The following PDE4B variants were observed in gnomAD, a reference collection of about 807,000 sequenced individuals.
The protein encoded by PDE4B is 3',5'-cyclic-AMP phosphodiesterase 4B.
PDE4B carries 20 observed loss-of-function variants against 82.2 expected under a neutral mutation model. The ratio of observed to expected loss-of-function variants is 0.24; its 90% CI spans 0.17 to 0.35. The LOEUF (loss-of-function observed/expected upper bound fraction) is 0.35, where lower values mean the gene tolerates loss of function less well. Ranked by LOEUF, PDE4B falls within the 10% of genes least tolerant of loss-of-function variation. PDE4B has a pLI of 1.00. For synonymous variants in PDE4B, 320 were observed against 318.9 expected, an observed-to-expected ratio of 1.00 and a Z score of -0.04; for missense variants, 655 against 907.2, an observed-to-expected ratio of 0.72 and a Z score of 3.57.
intron 3 of PDE4B, among the ~76,000 whole-genome samples, chr1:65,964,299 TA>T (rs1649703056): frequency 6.6e-6 from 1 of 152,160 alleles, no homozygotes; most frequent in Non-Finnish European, 1.5e-5. Flanking sequence ...ATAAAACGGT[TA>T]AACAATTAAA....
At chr1:65,872,421 T>C (rs763113324) in intron 1 of PDE4B, among the ~76,000 whole-genome samples, 12 of 152,166 alleles carry the variant, frequency 7.9e-5, no homozygotes, top group Admixed American at 2.0e-4. Context: ...CATGTTTCAG[T>C]TGACACTGGG....
chr1:66,270,004 G>A (rs1332506702), intron 7 of PDE4B, among the ~76,000 whole-genome samples: 1 of 152,076 alleles, frequency 6.6e-6, no homozygotes, highest in Non-Finnish European at 1.5e-5. Context: ...ATTACCACTG[G>A]TAACAGATCA....
chr1:66,259,899 C>G (rs764893618), intron 6 of PDE4B, among the ~76,000 whole-genome samples: 16 of 151,978 alleles, frequency 1.1e-4, no homozygotes, highest in Non-Finnish European at 1.5e-4. Context: ...ATTTCTACCC[C>G]CTTGAAAATG....
chr1:66,021,764 C>T (rs962615580), intron 3 of PDE4B, among the ~76,000 whole-genome samples: 2 of 152,078 alleles, frequency 1.3e-5, no homozygotes, highest in African/African-American at 4.8e-5. Context: ...CAGCTTTGTT[C>T]TTTTGGCTTA....
rs1553136764 is a variant in PDE4B at position 66,041,823 on chromosome 1, C to CAT, written c.281+122989_281+122990insTA. On this transcript the variant is annotated intron_variant, in intron 3 of 16. Coordinates refer to ENST00000341517, the MANE Select transcript of PDE4B (RefSeq NM_002600.4). ...ATACACACACACACACACACACACA[C>CAT]ACACATACACACACACACACACACA... is the stretch of plus-strand genomic sequence containing the variant. 6.9e-4 allele frequency among the ~76,000 whole-genome samples: 69 copies of CAT among 100,562 alleles called. 1 individual carries two copies. The highest frequency in any genetic ancestry group is 1.5e-3 in the African/African-American group (42 of 27,500). The allele number at this position is 100,562 out of a possible 152,430, so 66.0% of individuals were successfully genotyped here.
intron 3 of PDE4B, among the ~76,000 whole-genome samples, chr1:66,007,032 C>A (rs1652190230): frequency 6.6e-6 from 1 of 152,014 alleles, no homozygotes; most frequent in Non-Finnish European, 1.5e-5. Flanking sequence ...ACTCTTGAGG[C>A]TGAGGTGGGA....
At chr1:66,097,803 GT>G (rs1158465386) in intron 3 of PDE4B, among the ~76,000 whole-genome samples, 1 of 147,194 alleles carries the variant, frequency 6.8e-6, no homozygotes, top group Admixed American at 6.8e-5. Context: ...TATTGTCCTC[GT>G]TTTTCTATCT....
chr1:66,114,794 C>G (rs965768707), intron 3 of PDE4B, among the ~76,000 whole-genome samples: 2 of 152,118 alleles, frequency 1.3e-5, no homozygotes, highest in Non-Finnish European at 1.5e-5. Context: ...CATCACCACA[C>G]CTGGCTGATT....
rs1443096098 is a variant in PDE4B at position 66,148,253 on chromosome 1, G to C, written c.282-99207G>C. Among the ~76,000 whole-genome samples, 2 of 152,090 alleles carry C rather than the reference G, an allele frequency of 1.3e-5. 1 individual carries two copies. The highest frequency in any genetic ancestry group is 2.9e-5 in the Non-Finnish European group (2 of 68,036). ...CCACTGCACTTCAGCTTGTGTGATA[G>C]AGTGAGATGCTGTCTTTAAAATAAT... On this transcript the variant is annotated intron_variant, in intron 3 of 16. Transcript: ENST00000341517.
intron 3 of PDE4B, among the ~76,000 whole-genome samples, chr1:66,156,220 G>T (rs779567371): frequency 2.0e-5 from 3 of 152,094 alleles, no homozygotes; most frequent in African/African-American, 7.2e-5. Flanking sequence ...GAACCTAAAA[G>T]GGTGAGTTCA....
intron 3 of PDE4B, among the ~76,000 whole-genome samples, chr1:65,926,746 G>A (rs567138318): frequency 6.6e-6 from 1 of 151,504 alleles, no homozygotes; most frequent in African/African-American, 2.4e-5. Context: ...CTTGATCTAG[G>A]TATTGTTAAT....
intron 1 of PDE4B, among the ~76,000 whole-genome samples, chr1:65,884,810 C>T (rs1433077426): frequency 1.3e-5 from 2 of 152,182 alleles, no homozygotes; most frequent in Non-Finnish European, 2.9e-5. Flanking sequence ...GCAAGGACTT[C>T]ATGTCTAAAA....
intron 9 of PDE4B, among the ~76,000 whole-genome samples, chr1:66,356,483 A>G (rs1402517564): frequency 6.6e-6 from 1 of 152,198 alleles, no homozygotes; most frequent in African/African-American, 2.4e-5. Context: ...GATTTTGTTG[A>G]CTTTATATTG....
Position 65,918,621 on chromosome 1 carries a change from A to C in PDE4B, c.67A>C (p.Ser23Arg). 1 of 1,606,400 alleles carries C rather than the reference A, an allele frequency of 6.2e-7. No individual in the cohort carries two copies. The highest frequency in any genetic ancestry group is 8.5e-7 in the Non-Finnish European group (1 of 1,172,940). Residue 23 changes from serine (S) to arginine (R), a missense_variant, in exon 3 of 17, where the codon AGC becomes CGC. Coordinates refer to ENST00000341517, the MANE Select transcript of PDE4B (RefSeq NM_002600.4). Reference protein sequence around the residue: ...DDNVKDYFECSLSKSYSSSSN... With the variant: ...DDNVKDYFECRLSKSYSSSSN... ...GAATGTTAAAGATTATTTTGAATGTAGCTTGAGTAAATCCTACAGTTCTTC... is the reference window on the plus strand; with the variant it reads ...GAATGTTAAAGATTATTTTGAATGTCGCTTGAGTAAATCCTACAGTTCTTC...
chr1:66,365,210 A>G (rs1179215503), intron 12 of PDE4B, among the ~76,000 whole-genome samples: 5 of 152,194 alleles, frequency 3.3e-5, no homozygotes, highest in Admixed American at 2.0e-4. Context: ...TTGGGAAATA[A>G]TTTATTGCTT....
chr1:65,840,952 T>C (rs1646200009), intron 1 of PDE4B, among the ~76,000 whole-genome samples: 1 of 152,072 alleles, frequency 6.6e-6, no homozygotes, highest in Non-Finnish European at 1.5e-5. Context: ...AGGTGTAGGG[T>C]ATTTTGAACT....
chr1:66,331,633 C>T (rs189512043), intron 7 of PDE4B: 5 of 398,952 alleles, frequency 1.3e-5, no homozygotes, highest in Admixed American at 6.4e-5. Context: ...CAAATTGGAG[C>T]CCCCAGCTTT....
At chr1:66,149,469 C>G (rs1285410985) in intron 3 of PDE4B, among the ~76,000 whole-genome samples, 1 of 152,128 alleles carries the variant, frequency 6.6e-6, no homozygotes, top group East Asian at 1.9e-4. Flanking sequence ...GTCAAATTTG[C>G]ATTTTTTTCT....
chr1:66,223,682 T>TC (rs892783705), intron 3 of PDE4B, among the ~76,000 whole-genome samples: 32 of 150,768 alleles, frequency 2.1e-4, no homozygotes, highest in Admixed American at 1.4e-3. Context: ...CTTTTTTCAT[T>TC]CCCCCCCAGC....
Sources: gnomAD v4.1 joint callset for allele counts (sites outside exome capture counted in the v4.1 genomes callset) on GRCh38, gnomAD v4.1.1 for gene constraint, MANE v1.5 for transcripts, NCBI Gene and HGNC (gene_info 2026-07-23, HGNC 2026-07-21) for gene names.